OR1C1: variants seen among roughly 807,000 people sequenced by gnomAD.
OR1C1 encodes the protein olfactory receptor 1C1.
For missense variants in OR1C1, 407 were observed against 384.3 expected (o/e 1.06, Z -0.49); for synonymous variants, 153 against 154.6 (o/e 0.99, Z 0.08).
At chr1:247,758,977 C>T (rs754829402) in intron 1 of OR1C1, among the ~76,000 whole-genome samples, 1 of 151,050 alleles carries the variant, frequency 6.6e-6, no homozygotes, top group Non-Finnish European at 1.5e-5. Context: ...GGTCTCTGCT[C>T]ATCATTTGGT....
intron 1 of OR1C1, among the ~76,000 whole-genome samples, chr1:247,759,239 G>A (rs1247792748): frequency 6.6e-6 from 1 of 152,134 alleles, no homozygotes; most frequent in East Asian, 1.9e-4. Context: ...ATTATACAAA[G>A]TGTTGTATAA....
Position 247,757,648 on chromosome 1 carries a change from G to C in OR1C1, c.759C>G (p.Gly253=), listed in dbSNP as rs778380212. ...GGCTGAAATAGACGGCGATGGCTGT[G>C]CCGTAAAACAACACCACCACTGACA... The part of the protein sequence containing the change: ...CHLSVVVLFY[G]TAIAVYFSPS... Residue 253 remains glycine (G), a synonymous_variant, in exon 2 of 2, where the codon GGC becomes GGG. Coordinates refer to ENST00000641256, the MANE Select transcript of OR1C1 (RefSeq NM_012353.3). 6.2e-7 allele frequency: 1 copy of C among 1,614,080 alleles called. No homozygotes were observed. Among genetic ancestry groups the C allele is most frequent in the Admixed American group, 1.7e-5 (1 of 59,996 alleles).
rs774297476 is a variant in OR1C1, at chr1:247,758,235, G to A, written c.172C>T (p.Pro58Ser). Residue 58 changes from proline (P) to serine (S), a missense_variant, in exon 2 of 2, where the codon CCT (proline) becomes TCT (serine). Physicochemically the swap from Pro to Ser is moderately conservative, Grantham distance 74 (BLOSUM62 -1). Transcript: ENST00000641256. ...AAGTTACTAAGGAAGAAGTACATAG[G>A]GGAATGGAGGTGAGAGTCAAAGCCA... Reference protein sequence around the residue: ...TIGFDSHLHSPMYFFLSNLAF... With the variant: ...TIGFDSHLHSSMYFFLSNLAF... 8 of 1,613,932 alleles carry A rather than the reference G, an allele frequency of 5.0e-6. No individual in the cohort carries two copies. The highest frequency in any genetic ancestry group is 5.9e-6 in the Non-Finnish European group (7 of 1,180,012).
At position 247,757,911 on chromosome 1, in the gene OR1C1, G is replaced by C; in HGVS notation, c.496C>G (p.Leu166Val). 1 of 1,613,840 alleles carries C rather than the reference G, an allele frequency of 6.2e-7. No individual in the cohort carries two copies. Among genetic ancestry groups the C allele is most frequent in the Non-Finnish European group, 8.5e-7 (1 of 1,179,776 alleles). The change falls in exon 2 of 2, where the codon CTG (leucine) becomes GTG (valine). Residue 166 changes from leucine (L) to valine (V), a missense_variant. Physicochemically the swap from Leu to Val is conservative, Grantham distance 32. Transcript: ENST00000641256. ...ATGATATTGGAGGCACAGAAGGACAGCTGTGCTATTAGGACAGTATGCAGG... is the reference window on the plus strand; with the variant it reads ...ATGATATTGGAGGCACAGAAGGACACCTGTGCTATTAGGACAGTATGCAGG... ...ALLHTVLIAQLSFCASNIIHH... is the reference protein window; with the variant it reads ...ALLHTVLIAQVSFCASNIIHH...
In OR1C1 at chr1:247,757,882, A is replaced by T. The variant is rs1256179136; in HGVS notation, c.525T>A (p.His175Gln). ...QLSFCASNII[H>Q]HFFCDLNPLL... ...GAGGATTGAGATCACAGAAGAAATG[A>T]TGGATGATATTGGAGGCACAGAAGG... Residue 175 changes from histidine (H) to glutamine (Q), a missense_variant, in exon 2 of 2, where the codon CAT becomes CAA. Coordinates refer to ENST00000641256, the MANE Select transcript of OR1C1 (RefSeq NM_012353.3). 2 of 1,614,066 alleles carry T rather than the reference A, an allele frequency of 1.2e-6. No individual in the cohort carries two copies. The highest frequency in any genetic ancestry group is 1.3e-5 in the African/African-American group (1 of 75,040).
Position 247,755,251 on chromosome 1 carries a change from T to G in OR1C1, c.*2211A>C, listed in dbSNP as rs1049219478. The G allele has an allele frequency of 6.6e-6, 1 of 152,146 alleles. No homozygotes were observed. The highest frequency in any genetic ancestry group is 2.4e-5 in the African/African-American group (1 of 41,430). The allele number at this position is 152,146 out of a possible 1,614,324, so 9.4% of individuals were successfully genotyped here. A position where few individuals can be genotyped will look rare whatever the true frequency, so the allele number is the denominator to read the frequency against. On this transcript the variant is annotated 3_prime_UTR_variant, in exon 2 of 2. Transcript: ENST00000641256. ...GGGGGAAAGCTCTATGACATTGGTA[T>G]GCATGATAATCTTTTAGATATGACT... is the stretch of plus-strand genomic sequence containing the variant.
In OR1C1 at chr1:247,757,568, A is replaced by G. The variant is rs190972824; in HGVS notation, c.839T>C (p.Met280Thr). ...SDTLSTIMYS[M>T]VAPMLNPFIY... ...GAAAGGATTCAGCATCGGAGCCACC[A>G]TTGAATACATGATGGTTGACAGAGT... Residue 280 changes from methionine to threonine, a missense_variant, in exon 2 of 2, where the codon ATG (methionine) becomes ACG (threonine). Met to Thr is a moderately conservative substitution (Grantham distance 81). Coordinates refer to ENST00000641256, the MANE Select transcript of OR1C1 (RefSeq NM_012353.3). The G allele has an allele frequency of 6.2e-7, 1 of 1,614,084 alleles. No homozygotes were observed. Among genetic ancestry groups the G allele is most frequent in the Admixed American group, 1.7e-5 (1 of 60,008 alleles).
chr1:247,757,482 T>C lies in OR1C1; in HGVS notation c.925A>G (p.Thr309Ala), dbSNP rs767148396. ...GGTCATTATTGCTGCTGAAAGACTG[T>C]GCACTTGAGAAGCATTTTCTGAAGT... is the stretch of plus-strand genomic sequence containing the variant. ...RGLQKMLLKC[T>A]VFQQQ The change falls in exon 2 of 2, where the codon ACA (threonine) becomes GCA (alanine). Residue 309 changes from threonine (T) to alanine (A), a missense_variant. By Grantham distance (58) the Thr-to-Ala change is moderately conservative (BLOSUM62 0). Transcript: ENST00000641256. 2.5e-6 allele frequency: 4 copies of C among 1,613,264 alleles called. No homozygotes were observed. The highest frequency in any genetic ancestry group is 1.7e-4 in the Middle Eastern group (1 of 6,056).
At chr1:247,758,643 T>G (rs1572503434) in intron 1 of OR1C1, 8 of 409,810 alleles carry the variant, frequency 2.0e-5, no homozygotes, top group Non-Finnish European at 3.5e-5. Flanking sequence ...TATCAACTTC[T>G]TTCAAGACTG....
In OR1C1 at chr1:247,757,760, A is replaced by G. The variant is rs749279284; in HGVS notation, c.647T>C (p.Val216Ala). The stretch of plus-strand genomic sequence containing the variant: ...AGTGGAGAAGATAAGTCCATAAGAT[A>G]CGAGGATACAGACAAGGGGCGTGAG... ...LALTPLVCIL[V>A]SYGLIFSTVL... Residue 216 changes from valine to alanine, a missense_variant, in exon 2 of 2, where the codon GTA (valine) becomes GCA (alanine). Val to Ala is a moderately conservative substitution (Grantham distance 64). Coordinates refer to ENST00000641256, the MANE Select transcript of OR1C1 (RefSeq NM_012353.3). 2 of 1,613,962 alleles carry G rather than the reference A, an allele frequency of 1.2e-6. No homozygotes were observed. The highest frequency in any genetic ancestry group is 1.7e-6 in the Non-Finnish European group (2 of 1,180,022).
In OR1C1 at chr1:247,760,539, G is replaced by C. The variant is rs1661315200; in HGVS notation, c.-141C>G. ...GTGAAAAAGAGAAGAATGAGATATA[G>C]ACAAGTGTGTTTCTTTCGACAGAGA... On this transcript the variant is annotated 5_prime_UTR_variant, in exon 1 of 2. Transcript: ENST00000641256. 6.6e-6 allele frequency: 1 copy of C among 152,146 alleles called. No homozygotes were observed. The highest frequency in any genetic ancestry group is 2.4e-5 in the African/African-American group (1 of 41,446). 9.4% of individuals were successfully genotyped at this position (152,146 alleles called of 1,614,324 possible).
Position 247,758,183 on chromosome 1 carries a change from G to T in OR1C1, c.224C>A (p.Ser75Ter). The T allele has an allele frequency of 6.2e-7, 1 of 1,614,022 alleles. No individual in the cohort carries two copies. The highest frequency in any genetic ancestry group is 1.1e-5 in the South Asian group (1 of 91,062). Residue 75 changes from serine to a stop codon, truncating the protein, a stop_gained, in exon 2 of 2, where the codon TCG (serine) becomes TAG (stop). Transcript: ENST00000641256. LOFTEE classifies it low-confidence loss of function (END_TRUNC). The stretch of plus-strand genomic sequence containing the variant: ...CACTACCATTTGGGGGACTGTAGTC[G>T]ACGTAAAGCAGATGTCAACAAAGGC... The part of the protein sequence containing the change: ...NLAFVDICFT[S>*]TTVPQMVVNI...
Position 247,758,237 on chromosome 1 carries a change from G to T in OR1C1, c.170C>A (p.Ser57Tyr). 1 of 1,614,048 alleles carries T rather than the reference G, an allele frequency of 6.2e-7. No homozygotes were observed. The highest frequency in any genetic ancestry group is 1.1e-5 in the South Asian group (1 of 91,068). The change falls in exon 2 of 2, where the codon TCC becomes TAC. Residue 57 changes from serine (S) to tyrosine (Y), a missense_variant. Physicochemically the swap from Ser to Tyr is moderately radical, Grantham distance 144 (BLOSUM62 -2). Coordinates refer to ENST00000641256, the MANE Select transcript of OR1C1 (RefSeq NM_012353.3). ...ATIGFDSHLH[S>Y]PMYFFLSNLA... is the part of the protein sequence containing the mutation. ...GTTACTAAGGAAGAAGTACATAGGG[G>T]AATGGAGGTGAGAGTCAAAGCCAAT...
chr1:247,758,335 C>G lies in OR1C1; in HGVS notation c.72G>C (p.Gln24His). 6.2e-7 allele frequency: 1 copy of G among 1,613,506 alleles called. No individual in the cohort carries two copies. The highest frequency in any genetic ancestry group is 8.5e-7 in the Non-Finnish European group (1 of 1,179,506). Reference sequence around the variant, plus strand: ...AGAGAAAGAGCACAGACAGGAGGTGCTGCTGCTCTGCTGAGCTAGGAAGTC... The same window carrying G: ...AGAGAAAGAGCACAGACAGGAGGTGGTGCTGCTCTGCTGAGCTAGGAAGTC... ...LLGLPSSAEQ[Q>H]HLLSVLFLCM... is the part of the protein sequence containing the mutation. The change falls in exon 2 of 2, where the codon CAG (glutamine) becomes CAC (histidine). Residue 24 changes from glutamine (Q) to histidine (H), a missense_variant. Physicochemically the swap from Gln to His is conservative, Grantham distance 24. Coordinates refer to ENST00000641256, the MANE Select transcript of OR1C1 (RefSeq NM_012353.3).
Position 247,758,020 on chromosome 1 carries a change from G to A in OR1C1, c.387C>T (p.Pro129=). ...GGTTCATTCTGGCGGTGTAATGTAA[G>A]GGGTGGCAAATCGCCACATATCTAT... ...AYDRYVAICH[P]LHYTARMNLC... is the part of the protein sequence containing the mutation. The change falls in exon 2 of 2, where the codon CCC becomes CCT. Residue 129 remains proline, a synonymous_variant. Coordinates refer to ENST00000641256, the MANE Select transcript of OR1C1 (RefSeq NM_012353.3). 6.2e-7 allele frequency: 1 copy of A among 1,614,072 alleles called. No homozygotes were observed. The highest frequency in any genetic ancestry group is 1.1e-5 in the South Asian group (1 of 91,068).
chr1:247,757,726 C>T lies in OR1C1; in HGVS notation c.681G>A (p.Lys227=), dbSNP rs200971589. Residue 227 remains lysine, a synonymous_variant, in exon 2 of 2, where the codon AAG becomes AAA. Transcript: ENST00000641256. ...TCTGCTTGCCCTGAGTAGAGGTGAT[C>T]TTCAGAACAGTGGAGAAGATAAGTC... ...SYGLIFSTVL[K]ITSTQGKQRA... is the part of the protein sequence containing the mutation. 44 of 1,613,896 alleles carry T rather than the reference C, an allele frequency of 2.7e-5. No homozygotes were observed. Among genetic ancestry groups the T allele is most frequent in the Non-Finnish European group, 3.6e-5 (42 of 1,180,004 alleles).
Position 247,757,883 on chromosome 1 carries a change from T to G in OR1C1, c.524A>C (p.His175Pro). The change falls in exon 2 of 2, where the codon CAT becomes CCT. Residue 175 changes from histidine to proline, a missense_variant. Transcript: ENST00000641256. ...QLSFCASNII[H>P]HFFCDLNPLL... The stretch of plus-strand genomic sequence containing the variant: ...AGGATTGAGATCACAGAAGAAATGA[T>G]GGATGATATTGGAGGCACAGAAGGA... 1.9e-6 allele frequency: 3 copies of G among 1,613,920 alleles called. No individual in the cohort carries two copies. Among genetic ancestry groups the G allele is most frequent in the Non-Finnish European group, 2.5e-6 (3 of 1,179,964 alleles).
At position 247,756,845 on chromosome 1, in the gene OR1C1, C is replaced by G. The variant is rs1661217578; in HGVS notation, c.*617G>C. 6.6e-6 allele frequency: 1 copy of G among 152,122 alleles called. No homozygotes were observed. 9.4% of individuals were successfully genotyped at this position (152,122 alleles called of 1,614,324 possible). ...TTGGGGGAGATCAGTTAGCCTCTGC[C>G]CTATAAAGATGGCTGGGAGATTCTG... On this transcript the variant is annotated 3_prime_UTR_variant, in exon 2 of 2. Coordinates refer to ENST00000641256, the MANE Select transcript of OR1C1 (RefSeq NM_012353.3). This position sits in a 1 kb window ranked among gnomAD's most constrained non-coding sequence, Gnocchi z 4.3.
chr1:247,758,110 G>A lies in OR1C1; in HGVS notation c.297C>T (p.Thr99=). 1 of 1,614,034 alleles carries A rather than the reference G, an allele frequency of 6.2e-7. No individual in the cohort carries two copies. The highest frequency in any genetic ancestry group is 1.1e-5 in the South Asian group (1 of 91,078). The change falls in exon 2 of 2, where the codon ACC becomes ACT. Residue 99 remains threonine (T), a synonymous_variant. Coordinates refer to ENST00000641256, the MANE Select transcript of OR1C1 (RefSeq NM_012353.3). ...TKTISFAGCL[T]QLFFFVSFVN... is the part of the protein sequence containing the mutation. ...CAAAAGAAACGAAGAAGAAGAGCTGGGTGAGGCAGCCTGCAAAAGAGATAG... is the reference window on the plus strand; with the variant it reads ...CAAAAGAAACGAAGAAGAAGAGCTGAGTGAGGCAGCCTGCAAAAGAGATAG...
Sources: allele counts gnomAD v4.1 joint callset (sites outside exome capture counted in the v4.1 genomes callset), GRCh38; gene constraint gnomAD v4.1.1; non-coding constraint Gnocchi (gnomAD v3.1); transcripts MANE v1.5; gene names NCBI Gene and HGNC (gene_info 2026-07-23, HGNC 2026-07-21).